RSPH14: variants seen among roughly 807,000 people sequenced by gnomAD.
RSPH14 encodes the protein rhabdoid tumor deletion region gene 1.
Under a neutral mutation model 26.7 loss-of-function variants are expected in RSPH14, and 20 were observed. That is an observed-to-expected ratio of 0.75 (90% CI 0.53 to 1.09). The LOEUF (loss-of-function observed/expected upper bound fraction) is 1.09, where lower values mean the gene tolerates loss of function less well. Among genes scored for constraint, RSPH14 ranks in the 50% least tolerant of loss-of-function variants. The pLI, the probability that RSPH14 is intolerant of heterozygous loss-of-function variation, is 0.00. For missense variants in RSPH14, 449 were observed against 457.2 expected, an observed-to-expected ratio of 0.98 and a Z score of 0.16; for synonymous variants, 177 against 189.3, an observed-to-expected ratio of 0.93 and a Z score of 0.53.
intron 4 of RSPH14, chr22:23,132,844 G>A (rs1411094011): frequency 1.3e-5 from 2 of 151,810 alleles, no homozygotes; most frequent in African/African-American, 4.8e-5. Flanking sequence ...ATCTGGGCTG[G>A]TTCACCCCTC....
chr22:23,128,148 G>A (rs1019665503), intron 4 of RSPH14, among the ~76,000 whole-genome samples: 4 of 152,312 alleles, frequency 2.6e-5, no homozygotes, highest in African/African-American at 4.8e-5. Flanking sequence ...GGATACTTCC[G>A]GGGGACCCTG....
In RSPH14 at chr22:23,084,188, A is replaced by G. The variant is rs34089449; in HGVS notation, c.422-20055T>C. Among the ~76,000 whole-genome samples the G allele has an allele frequency of 3.7e-3, 567 of 152,324 alleles. 11 individuals are homozygous for G. The highest frequency in any genetic ancestry group is 0.029 in the East Asian group (152 of 5,186). On this transcript the variant is annotated intron_variant, in intron 4 of 6. Coordinates refer to ENST00000216036, the MANE Select transcript of RSPH14 (RefSeq NM_014433.3). ...ATGTGGCTTTTTAGTCCAAAAATAC[A>G]AGCAGTCCCCAACTTAGGATGGTTT... is the stretch of plus-strand genomic sequence containing the variant.
chr22:23,162,986 A>G, the RSPH14 span: 41 of 318,688 alleles, frequency 1.3e-4, no homozygotes, highest in African/African-American at 8.7e-4. Flanking sequence ...ATCTCGGCTC[A>G]GTGCAACCTC....
intron 4 of RSPH14, among the ~76,000 whole-genome samples, chr22:23,130,096 A>G (rs868345965): frequency 5.1e-3 from 264 of 51,602 alleles, no homozygotes; most frequent in African/African-American, 0.016. Context: ...AGAAAGAAAG[A>G]AAGAAAGAAA....
At chr22:23,145,947 C>T (rs760982024), upstream of RSPH14, 1 of 984,160 alleles carries the variant, frequency 1.0e-6, no homozygotes, top group East Asian at 1.1e-4. Flanking sequence ...CTAGAGCCTT[C>T]GTCCTTTGCA....
chr22:23,095,735 C>T, intron 4 of RSPH14: 4 of 1,611,900 alleles, frequency 2.5e-6, no homozygotes, highest in East Asian at 2.2e-5. Context: ...AGAAGCAGCC[C>T]GGCGGTCCCG....
At chr22:23,170,732 A>AAAAT in the RSPH14 span, among the ~76,000 whole-genome samples, 12 of 151,964 alleles carry the variant, frequency 7.9e-5, no homozygotes, top group East Asian at 3.9e-4. Flanking sequence ...ACTCCACCTC[A>AAAAT]AAATAAATAA....
At chr22:23,124,521 A>G in intron 4 of RSPH14, 1 of 332,970 alleles carries the variant, frequency 3.0e-6, no homozygotes, top group Non-Finnish European at 6.6e-6. Context: ...ATTTAAGAAA[A>G]TAAACACGAC....
chr22:23,166,703 G>A, the RSPH14 span, among the ~76,000 whole-genome samples: 2 of 152,086 alleles, frequency 1.3e-5, no homozygotes, highest in African/African-American at 4.8e-5. Flanking sequence ...GTCTCACAGT[G>A]CAGCCTCACA....
chr22:23,153,650 C>T, the RSPH14 span: 2 of 979,090 alleles, frequency 2.0e-6, no homozygotes, highest in Non-Finnish European at 1.2e-6. Flanking sequence ...ACACTGCAGC[C>T]TTCACTCCCT....
At chr22:23,173,524 TCAACCTC>T in the RSPH14 span, among the ~76,000 whole-genome samples, 1 of 151,982 alleles carries the variant, frequency 6.6e-6, no homozygotes, top group Non-Finnish European at 1.5e-5. Flanking sequence ...CACTAAAACT[TCAACCTC>T]CCTGGCTCAA....
the RSPH14 span, among the ~76,000 whole-genome samples, chr22:23,171,921 A>G: frequency 1.3e-5 from 2 of 151,980 alleles, no homozygotes; most frequent in Admixed American, 6.6e-5. Flanking sequence ...TCGGTGGCAC[A>G]TATCTGTAGT....
chr22:23,127,873 G>A (rs191116896), intron 4 of RSPH14, among the ~76,000 whole-genome samples: 10 of 152,278 alleles, frequency 6.6e-5, no homozygotes, highest in African/African-American at 2.2e-4. Context: ...CCAAGGTCAC[G>A]GAGCCAATTT....
chr22:23,074,405 C>T (rs1476479788), intron 4 of RSPH14, among the ~76,000 whole-genome samples: 1 of 152,058 alleles, frequency 6.6e-6, no homozygotes, highest in Non-Finnish European at 1.5e-5. Context: ...TGGTCTGAAC[C>T]AGTAGAAAGA....
the RSPH14 span, chr22:23,156,060 A>G: frequency 1.3e-6 from 2 of 1,596,646 alleles, no homozygotes; most frequent in South Asian, 2.2e-5. Context: ...TCGGGGCTCA[A>G]CTGCATGCAG....
intron 4 of RSPH14, among the ~76,000 whole-genome samples, chr22:23,103,280 C>A (rs1459555433): frequency 1.3e-5 from 2 of 152,242 alleles, no homozygotes; most frequent in East Asian, 1.9e-4. Context: ...AACAGTTCTA[C>A]TCCTCCCCAG....
chr22:23,158,556 C>T, the RSPH14 span, among the ~76,000 whole-genome samples: 91 of 152,344 alleles, frequency 6.0e-4, no homozygotes, highest in African/African-American at 2.1e-3. Flanking sequence ...GGGGCATTCA[C>T]ACCCAGCAAC....
rs1210583352 is a variant in RSPH14, at chr22:23,130,097, A to AAG, written c.421+3927_421+3928dup. 3.9e-4 allele frequency among the ~76,000 whole-genome samples: 22 copies of AAG among 56,820 alleles called. 1 individual carries two copies. Among genetic ancestry groups the AAG allele is most frequent in the African/African-American group, 1.2e-3 (20 of 16,622 alleles). 37.3% of individuals were successfully genotyped at this position (56,820 alleles called of 152,430 possible). ...AAAGAAAGAAAGGAAGAAAGAAAGA[A>AAG]AGAAAGAAAGAAAGAAAGAAAGAAA... On this transcript the variant is annotated intron_variant, in intron 4 of 6. Coordinates refer to ENST00000216036, the MANE Select transcript of RSPH14 (RefSeq NM_014433.3).
At chr22:23,145,259 C>A, upstream of RSPH14, 1 of 966,878 alleles carries the variant, frequency 1.0e-6, no homozygotes. Flanking sequence ...CCACCGCCCA[C>A]CCATCCAGCA....
Sources: gnomAD v4.1 joint callset for allele counts (sites outside exome capture counted in the v4.1 genomes callset) on GRCh38, gnomAD v4.1.1 for gene constraint, MANE v1.5 for transcripts, NCBI Gene and HGNC (gene_info 2026-07-23, HGNC 2026-07-21) for gene names.